RAD51C: variants seen among roughly 807,000 people sequenced by gnomAD.
RAD51C encodes the protein DNA repair protein RAD51 homolog 3.
In RAD51C, 42 loss-of-function variants were observed where a neutral mutation model predicts 45.0. The observed-to-expected ratio is 0.93, with a 90% CI of 0.73 to 1.21. RAD51C has a LOEUF of 1.21. Among genes scored for constraint, RAD51C ranks in the 50% most tolerant of loss-of-function variants. The probability of loss-of-function intolerance (pLI) is 0.00; values close to 1 mark genes in which losing one functional copy is unlikely to be tolerated. For missense variants in RAD51C, 474 were observed against 452.2 expected (o/e 1.05, Z -0.44); for synonymous variants, 172 against 159.8 (o/e 1.08, Z -0.58).
At chr17:58,717,852 G>A (rs2048792541) in intron 5 of RAD51C, among the ~76,000 whole-genome samples, 1 of 152,202 alleles carries the variant, frequency 6.6e-6, no homozygotes, top group Admixed American at 6.5e-5. Flanking sequence ...AAGGGGAGGG[G>A]AGCTAGAAGA....
chr17:58,692,875 A>C (rs2143685379), intron 1 of RAD51C, 87 bp downstream of exon 1: 1 of 1,587,934 alleles, frequency 6.3e-7, no homozygotes, highest in Non-Finnish European at 8.6e-7. Flanking sequence ...CCTTCAGCCC[A>C]GTCTCCGTTA....
intron 5 of RAD51C, among the ~76,000 whole-genome samples, 160 bp downstream of exon 5, chr17:58,710,150 A>G (rs1028051107): frequency 4.6e-5 from 7 of 152,144 alleles, no homozygotes; most frequent in Admixed American, 1.3e-4. Flanking sequence ...AATTCTGGTC[A>G]TAAGTGTCAG....
chr17:58,702,479 G>A (rs760937468), intron 3 of RAD51C, among the ~76,000 whole-genome samples: 8 of 151,910 alleles, frequency 5.3e-5, no homozygotes, highest in Non-Finnish European at 1.2e-4. Flanking sequence ...GATCACTTGA[G>A]GTCAGGAGTT....
Position 58,695,008 on chromosome 17 carries a change from T to C in RAD51C, c.223T>C (p.Tyr75His). ...AGAATGTCTCACAAATAAACCAAGATATGCTGGTACATCTGAGTCACACAA... is the reference window on the plus strand; with the variant it reads ...AGAATGTCTCACAAATAAACCAAGACATGCTGGTACATCTGAGTCACACAA... ...RRECLTNKPR[Y>H]AGTSESHKKC... The change falls in exon 2 of 9, where the codon TAT becomes CAT. Residue 75 changes from tyrosine to histidine, a missense_variant. Physicochemically the swap from Tyr to His is moderately conservative, Grantham distance 83 (BLOSUM62 2). Transcript: ENST00000337432. The C allele has an allele frequency of 6.2e-7, 1 of 1,614,098 alleles. No individual in the cohort carries two copies. Among genetic ancestry groups the C allele is most frequent in the Non-Finnish European group, 8.5e-7 (1 of 1,179,988 alleles).
intron 4 of RAD51C, among the ~76,000 whole-genome samples, chr17:58,705,354 GTGGAGTTTCGC>G (rs1313414987): frequency 1.3e-5 from 2 of 150,300 alleles, no homozygotes; most frequent in African/African-American, 4.9e-5. Flanking sequence ...TGGGGGGGGG[GTGGAGTTTCGC>G]TTTTGTCACC....
chr17:58,720,047 A>T (rs1161946699), intron 5 of RAD51C, among the ~76,000 whole-genome samples: 1 of 150,878 alleles, frequency 6.6e-6, no homozygotes, highest in Non-Finnish European at 1.5e-5. Context: ...AAGTGCTGGG[A>T]TTTAAAATTT....
At chr17:58,702,417 G>A (rs12602389) in intron 3 of RAD51C, among the ~76,000 whole-genome samples, 28,061 of 152,026 alleles carry the variant, frequency 0.18, 2,763 homozygotes, top group Non-Finnish European at 0.21. Flanking sequence ...GGTCGGGTGT[G>A]GTGGTTCATG....
At chr17:58,716,464 T>A (rs2048740519) in intron 5 of RAD51C, among the ~76,000 whole-genome samples, 2 of 152,092 alleles carry the variant, frequency 1.3e-5, no homozygotes, top group African/African-American at 2.4e-5. Flanking sequence ...AATTTAACTT[T>A]TTTATTTATT....
At chr17:58,710,076 G>T in intron 5 of RAD51C, 86 bp downstream of exon 5, 1 of 1,449,214 alleles carries the variant, frequency 6.9e-7, no homozygotes, top group Admixed American at 1.7e-5. Flanking sequence ...AATAGCGTTT[G>T]CCTGACAAAT....
chr17:58,704,419 T>C (rs1347686092), intron 4 of RAD51C, among the ~76,000 whole-genome samples: 1 of 151,846 alleles, frequency 6.6e-6, no homozygotes, highest in African/African-American at 2.4e-5. Flanking sequence ...ACTACAGGCA[T>C]GCGCCACAAC....
rs548607090 is a variant in RAD51C at position 58,716,801 on chromosome 17, C to T, written c.838-3945C>T. ...TTTTTTTTTTTTTAAGACGGAGTCT[C>T]GCTCTGTCACCCAGGCTGGAGTGCA... On this transcript the variant is annotated intron_variant, in intron 5 of 8. Coordinates refer to ENST00000337432, the MANE Select transcript of RAD51C (RefSeq NM_058216.3). 2.0e-5 allele frequency among the ~76,000 whole-genome samples: 3 copies of T among 146,840 alleles called. No individual in the cohort carries two copies. The East Asian group carries it at 6.1e-4, about 30-fold the overall frequency.
At chr17:58,697,910 C>G (rs1399308757) in intron 3 of RAD51C, among the ~76,000 whole-genome samples, 1 of 151,884 alleles carries the variant, frequency 6.6e-6, no homozygotes, top group Non-Finnish European at 1.5e-5. Flanking sequence ...CAGGGTTTCT[C>G]CATGTTGATC....
At chr17:58,724,222 T>C (rs2049031328) in intron 7 of RAD51C, 122 bp downstream of exon 7, 1 of 918,556 alleles carries the variant, frequency 1.1e-6, no homozygotes, top group African/African-American at 1.6e-5. Flanking sequence ...AGTGACACTT[T>C]TGTTGCCTTG....
chr17:58,714,908 T>G (rs2048678272), intron 5 of RAD51C, among the ~76,000 whole-genome samples: 1 of 152,140 alleles, frequency 6.6e-6, no homozygotes. Context: ...TTTCAGTGTA[T>G]CCACAGAGTT....
intron 5 of RAD51C, among the ~76,000 whole-genome samples, chr17:58,711,163 A>G (rs1487316849): frequency 6.6e-6 from 1 of 152,152 alleles, no homozygotes; most frequent in African/African-American, 2.4e-5. Context: ...AGTAGGGGGC[A>G]CTCAAGACTA....
intron 3 of RAD51C, among the ~76,000 whole-genome samples, chr17:58,699,394 TAA>T (rs1567791060): frequency 6.6e-6 from 1 of 152,066 alleles, no homozygotes; most frequent in Non-Finnish European, 1.5e-5. Context: ...ATGCTTTTCA[TAA>T]GATTTCCTTT....
chr17:58,706,241 A>T lies in RAD51C; in HGVS notation c.705+2912A>T, dbSNP rs566535317. On this transcript the variant is annotated intron_variant, in intron 4 of 8. Coordinates refer to ENST00000337432, the MANE Select transcript of RAD51C (RefSeq NM_058216.3). ...CAGGAGTTTGAGACCACCCTGGCCA[A>T]TATGGTGAAACCCTGTCTCTACTAA... 3.9e-5 allele frequency among the ~76,000 whole-genome samples: 6 copies of T among 152,110 alleles called. No individual in the cohort carries two copies. The South Asian group carries it at 1.0e-3, about 26-fold the overall frequency.
rs779582317 is a variant in RAD51C at position 58,724,038 on chromosome 17, A to C, written c.905-2A>C. Reference sequence around the variant, plus strand: ...TACAGTTATTATGTTTTTTACTCTCAGGGGAAAGTTGGGGACATGCTGCTA... The same window carrying C: ...TACAGTTATTATGTTTTTTACTCTCCGGGGAAAGTTGGGGACATGCTGCTA... On this transcript the variant is annotated splice_acceptor_variant, in intron 6 of 8. Coordinates refer to ENST00000337432, the MANE Select transcript of RAD51C (RefSeq NM_058216.3). LOFTEE classifies it high-confidence loss of function. 3 of 1,611,446 alleles carry C rather than the reference A, an allele frequency of 1.9e-6. No individual in the cohort carries two copies. In the East Asian group the frequency reaches 6.7e-5, roughly 36 times the overall value.
rs1364364318 is a variant in RAD51C, at chr17:58,716,717, C to T, written c.838-4029C>T. 2.0e-5 allele frequency among the ~76,000 whole-genome samples: 3 copies of T among 151,718 alleles called. No homozygotes were observed. The East Asian group carries it at 5.8e-4, about 29-fold the overall frequency. On this transcript the variant is annotated intron_variant, in intron 5 of 8. Transcript: ENST00000337432. Reference sequence around the variant, plus strand: ...GACCTTGTGATCCTCCCACCTCTGCCTCCCAAAGTACTGGGATTACCGGCA... The same window carrying T: ...GACCTTGTGATCCTCCCACCTCTGCTTCCCAAAGTACTGGGATTACCGGCA...
Sources: allele counts gnomAD v4.1 joint callset (sites outside exome capture counted in the v4.1 genomes callset), GRCh38; gene constraint gnomAD v4.1.1; transcripts MANE v1.5; gene names NCBI Gene and HGNC (gene_info 2026-07-23, HGNC 2026-07-21).